The following DNAH3 variants were observed in gnomAD, a reference collection of about 807,000 sequenced individuals.
DNAH3 encodes the protein dynein axonemal heavy chain 3, also known as axonemal beta dynein heavy chain 3.
Under a neutral mutation model 432.5 loss-of-function variants are expected in DNAH3, and 332 were observed. The observed-to-expected ratio is 0.77, with a 90% CI of 0.70 to 0.84. The LOEUF is 0.84. Among genes scored for constraint, DNAH3 ranks in the 40% least tolerant of loss-of-function variants. The pLI is 0.00. For missense variants in DNAH3, 4,861 were observed against 5,114.0 expected (o/e 0.95, Z 1.51); for synonymous variants, 1,956 against 1,900.2 (o/e 1.03, Z -0.76).
chr16:20,947,251 T>C (rs1472949575), intron 57 of DNAH3, among the ~76,000 whole-genome samples: 1 of 152,054 alleles, frequency 6.6e-6, no homozygotes, highest in Non-Finnish European at 1.5e-5. Flanking sequence ...GCTGACCACG[T>C]GGAGGTTCCT....
rs776072791 is a variant in DNAH3 at position 20,963,537 on chromosome 16, G to T, written c.10347C>A (p.Ile3449=). ...CCTCATGGGGCCAGGCCGAGTCATA[G>T]ATCAGCTTCCATTCACCCAGGTTCT... is the stretch of plus-strand genomic sequence containing the variant. Residue 3449 remains isoleucine (I), a synonymous_variant, in exon 53 of 62, where the codon ATC becomes ATA. Transcript: ENST00000261383. The T allele has an allele frequency of 1.5e-5, 24 of 1,614,076 alleles. No homozygotes were observed. The Admixed American group carries it at 3.3e-4, about 22-fold the overall frequency.
intron 15 of DNAH3, among the ~76,000 whole-genome samples, chr16:21,105,626 C>T (rs1375406881): frequency 1.3e-5 from 2 of 151,866 alleles, no homozygotes; most frequent in Admixed American, 6.6e-5. Context: ...ATTAGTTGGG[C>T]GTGGTGGCAC....
chr16:21,069,935 C>T lies in DNAH3; in HGVS notation c.3202-341G>A, dbSNP rs188703931. ...CAGCCTTACAAGGTAGATGTGATTA[C>T]AAACCGTGTTTTCCAGATGTAGAAA... On this transcript the variant is annotated intron_variant, in intron 22 of 61. Transcript: ENST00000261383. 1.2e-4 allele frequency among the ~76,000 whole-genome samples: 19 copies of T among 152,300 alleles called. No homozygotes were observed. In the East Asian group the frequency reaches 2.5e-3, roughly 20 times the overall value.
At chr16:21,117,823 A>G (rs566912973) in intron 11 of DNAH3, among the ~76,000 whole-genome samples, 1 of 152,242 alleles carries the variant, frequency 6.6e-6, no homozygotes, top group Non-Finnish European at 1.5e-5. Context: ...TAAGTGCTCA[A>G]AAAATACTGG....
intron 44 of DNAH3, among the ~76,000 whole-genome samples, chr16:20,989,989 C>T (rs972849296): frequency 5.3e-5 from 8 of 152,224 alleles, no homozygotes; most frequent in African/African-American, 1.9e-4. Flanking sequence ...CCTGCAAGCG[C>T]CGCGCGCAGC....
exon 29 of DNAH3, chr16:21,051,715 T>C: frequency 6.2e-7 from 1 of 1,611,596 alleles, no homozygotes; most frequent in Middle Eastern, 1.7e-4. Flanking sequence ...CCGGGGGGAG[T>C]TTCCCAGGTA....
chr16:21,117,276 C>G, exon 12 of DNAH3: 1 of 1,611,428 alleles, frequency 6.2e-7, no homozygotes, highest in African/African-American at 1.3e-5. Flanking sequence ...AGTTTTTCTT[C>G]TGCGTTAACA....
intron 36 of DNAH3, 26 bp downstream of exon 36, chr16:21,033,948 C>A: frequency 6.4e-7 from 1 of 1,570,958 alleles, no homozygotes; most frequent in South Asian, 1.1e-5. Context: ...TCTGTCCTCC[C>A]TGGAAGCCAG....
At chr16:21,038,532 G>A (rs1315965322) in intron 33 of DNAH3, among the ~76,000 whole-genome samples, 1 of 152,128 alleles carries the variant, frequency 6.6e-6, no homozygotes, top group African/African-American at 2.4e-5. Context: ...GTGTGGTATG[G>A]CTGTAGACTC....
intron 48 of DNAH3, among the ~76,000 whole-genome samples, chr16:20,984,044 A>C (rs2086055298): frequency 6.6e-6 from 1 of 151,322 alleles, no homozygotes; most frequent in Non-Finnish European, 1.5e-5. Context: ...AAAAAAAAAA[A>C]AGACAGAAAG....
intron 1 of DNAH3, among the ~76,000 whole-genome samples, chr16:21,153,596 C>G (rs1451208141): frequency 2.6e-5 from 4 of 152,166 alleles, no homozygotes; most frequent in Non-Finnish European, 4.4e-5. Flanking sequence ...TGTTCTTTCA[C>G]TGTTTGGGTT....
rs55797285 is a variant in DNAH3, at chr16:21,040,358, ATTTTTTTT to A, written c.4639-423_4639-416del. 7.8e-3 allele frequency among the ~76,000 whole-genome samples: 619 copies of A among 79,748 alleles called. 14 individuals carry two copies. The highest frequency in any genetic ancestry group is 0.027 in the African/African-American group (478 of 17,760). 52.3% of individuals were successfully genotyped at this position (79,748 alleles called of 152,430 possible). ...TCAGAAGAATCCCAAAGCCAGACAG[ATTTTTTTT>A]TTTTTTTTTTTTTTTTTTTTAAGAC... On this transcript the variant is annotated intron_variant, in intron 32 of 61. Coordinates refer to ENST00000261383, the Ensembl canonical transcript of DNAH3.
At chr16:20,968,897 G>A (rs2085186107) in intron 52 of DNAH3, among the ~76,000 whole-genome samples, 1 of 150,600 alleles carries the variant, frequency 6.6e-6, no homozygotes, top group East Asian at 2.0e-4. Flanking sequence ...CTGTTTCTGT[G>A]TCTCTCTTTG....
intron 41 of DNAH3, among the ~76,000 whole-genome samples, chr16:21,018,689 G>A (rs1364623207): frequency 6.6e-6 from 1 of 152,120 alleles, no homozygotes; most frequent in Non-Finnish European, 1.5e-5. Context: ...AAGGTCAAGA[G>A]TTCAAGACCA....
At chr16:20,965,251 G>A (rs528337515) in exon 53 of DNAH3, 14 of 1,612,840 alleles carry the variant, frequency 8.7e-6, no homozygotes, top group African/African-American at 2.7e-5. Flanking sequence ...GCAGGCCGAC[G>A]ATACATTTTT....
chr16:21,002,513 G>A (rs1389520344), intron 42 of DNAH3, among the ~76,000 whole-genome samples: 1 of 151,902 alleles, frequency 6.6e-6, no homozygotes, highest in African/African-American at 2.4e-5. Flanking sequence ...CCAGGCTGAA[G>A]TGCAATGGCG....
At position 20,964,208 on chromosome 16, in the gene DNAH3, CA is replaced by C. The variant is rs764997196; in HGVS notation, c.9675del (p.Ile3225MetfsTer58). 14 of 1,614,152 alleles carry C rather than the reference CA, an allele frequency of 8.7e-6. No individual in the cohort carries two copies. Among genetic ancestry groups the C allele is most frequent in the Non-Finnish European group, 1.0e-5 (12 of 1,180,042 alleles). ...TGCTTCTTGTTCTTGGCACTTTCCACAATCAACTGGTTCTTTTTCTCTTCCA... is the reference window on the plus strand; with the variant it reads ...TGCTTCTTGTTCTTGGCACTTTCCACATCAACTGGTTCTTTTTCTCTTCCA... On this transcript the variant is annotated frameshift_variant, in exon 53 of 62. Transcript: ENST00000261383. LOFTEE classifies it high-confidence loss of function.
At chr16:20,963,206 G>T in intron 53 of DNAH3, 78 bp downstream of exon 53, 1 of 1,378,666 alleles carries the variant, frequency 7.3e-7, no homozygotes, top group Non-Finnish European at 1.0e-6. Context: ...TGAGATCCCT[G>T]CTGTAAGGGA....
chr16:21,125,672 T>TA (rs1421184411), intron 8 of DNAH3, among the ~76,000 whole-genome samples: 1 of 152,086 alleles, frequency 6.6e-6, no homozygotes, highest in Non-Finnish European at 1.5e-5. Flanking sequence ...GAGATTGGGG[T>TA]AAAGGGGCAT....
Sources: gnomAD v4.1 joint callset for allele counts (sites outside exome capture counted in the v4.1 genomes callset) on GRCh38, gnomAD v4.1.1 for gene constraint, MANE v1.5 for transcripts, NCBI Gene and HGNC (gene_info 2026-07-23, HGNC 2026-07-21) for gene names.